FAT2: variants seen among roughly 807,000 people sequenced by gnomAD.
FAT2 encodes the protein FAT atypical cadherin 2.
Under a neutral mutation model 295.3 loss-of-function variants are expected in FAT2, and 150 were observed. The observed-to-expected ratio is 0.51, with a 90% CI of 0.44 to 0.58. The LOEUF (loss-of-function observed/expected upper bound fraction) is 0.58. FAT2 is among the 20% of genes least tolerant of loss of function. The probability of loss-of-function intolerance (pLI) is 0.00; values close to 1 mark genes in which losing one functional copy is unlikely to be tolerated. For synonymous variants in FAT2, 2,026 were observed against 2,150.3 expected, an observed-to-expected ratio of 0.94 and a Z score of 1.60; for missense variants, 4,868 against 5,442.7, an observed-to-expected ratio of 0.89 and a Z score of 3.32.
intron 13 of FAT2, among the ~76,000 whole-genome samples, chr5:151,533,393 A>AAAACACACACACAC (rs373411098): frequency 3.2e-4 from 42 of 132,180 alleles, no homozygotes; most frequent in East Asian, 2.1e-3. Flanking sequence ...TGTTATCTCC[A>AAAACACACACACAC]ACACACACAC....
chr5:151,530,373 A>C lies in FAT2; in HGVS notation c.9812-981T>G, dbSNP rs537536916. Among the ~76,000 whole-genome samples, 4 of 152,318 alleles carry C rather than the reference A, an allele frequency of 2.6e-5. No individual in the cohort carries two copies. The South Asian group carries it at 8.3e-4, about 32-fold the overall frequency. The stretch of plus-strand genomic sequence containing the variant: ...CAACTAAACCTGATCAAGGCCTTTG[A>C]TCCAAATGTCATTCCTAGGAAATAC... On this transcript the variant is annotated intron_variant, in intron 14 of 23. Coordinates refer to ENST00000261800, the MANE Select transcript of FAT2 (RefSeq NM_001447.3).
chr5:151,560,296 G>A (rs1204137086), intron 3 of FAT2, among the ~76,000 whole-genome samples: 12 of 152,126 alleles, frequency 7.9e-5, no homozygotes, highest in Admixed American at 7.2e-4. Flanking sequence ...CAGCCCAGGT[G>A]GTCTCTATTA....
chr5:151,591,864 A>G (rs1029577874), upstream of FAT2, among the ~76,000 whole-genome samples: 3 of 152,162 alleles, frequency 2.0e-5, no homozygotes, highest in Non-Finnish European at 2.9e-5. Context: ...GAATTAAATG[A>G]GATAAAGGTT....
chr5:151,577,757 A>T (rs973908420), intron 1 of FAT2, among the ~76,000 whole-genome samples: 5 of 152,276 alleles, frequency 3.3e-5, no homozygotes, highest in Non-Finnish European at 2.9e-5. Flanking sequence ...GCAGATCCTG[A>T]TACGCAATGA....
chr5:151,537,804 T>C lies in FAT2; in HGVS notation c.9182A>G (p.Asp3061Gly), dbSNP rs1034941634. The C allele has an allele frequency of 1.9e-6, 3 of 1,610,686 alleles. No homozygotes were observed. Among genetic ancestry groups the C allele is most frequent in the Non-Finnish European group, 1.7e-6 (2 of 1,178,020 alleles). ...CTCAGGAAACCCACCTGTATGAGGA[T>C]CCAGCTTGAATTCATGCGCCCCAGG... Reference protein sequence around the residue: ...HGPGAHEFKLDPHTGELTTLT... With the variant: ...HGPGAHEFKLGPHTGELTTLT... The change falls in exon 12 of 24, where the codon GAT (aspartate) becomes GGT (glycine). Residue 3061 changes from aspartate to glycine, a missense_variant. Around this residue, in one of 5 missense-constraint regions of FAT2, gnomAD observed 1,046 missense variants for 1,210.1 expected, o/e 0.86. Coordinates refer to ENST00000261800, the MANE Select transcript of FAT2 (RefSeq NM_001447.3).
chr5:151,526,334 C>T (rs988389222), intron 17 of FAT2, among the ~76,000 whole-genome samples: 2 of 152,122 alleles, frequency 1.3e-5, no homozygotes, highest in African/African-American at 4.8e-5. Flanking sequence ...GGGAATGTTG[C>T]GATTTGCAAA....
At position 151,540,488 on chromosome 5, in the gene FAT2, C is replaced by CCT. The variant is rs970979863; in HGVS notation, c.9039+77_9039+78dup. The stretch of plus-strand genomic sequence containing the variant: ...GCCCCTCAATCTCCCTTCTCCTGCT[C>CCT]CTCACTCTCTGTTCTCCCACCCCTC... On this transcript the variant is annotated intron_variant, in intron 11 of 23. Transcript: ENST00000261800. The CCT allele has an allele frequency of 2.2e-6, 3 of 1,358,530 alleles. No homozygotes were observed. The African/African-American group carries it at 4.3e-5, about 19-fold the overall frequency. The allele number at this position is 1,358,530 out of a possible 1,614,324, so 84.2% of individuals were successfully genotyped here.
intron 4 of FAT2, 53 bp from the exon 5 acceptor site, chr5:151,554,726 C>T (rs1191167106): frequency 2.1e-6 from 3 of 1,400,758 alleles, no homozygotes; most frequent in Non-Finnish European, 2.0e-6. Context: ...AAATTAGTGA[C>T]TATGCTTTAA....
rs1306587619 is a variant in FAT2 at position 151,566,156 on chromosome 5, T to C, written c.2776A>G (p.Ile926Val). ...EDVNDNSPQC[I>V]TEHNRLKVPE... The stretch of plus-strand genomic sequence containing the variant: ...ACCTTCAGCCTGTTGTGTTCTGTGA[T>C]GCACTGGGGAGAGTTGTCGTTGACA... The change falls in exon 2 of 24, where the codon ATC becomes GTC. Residue 926 changes from isoleucine to valine, a missense_variant. Transcript: ENST00000261800. 8 of 1,614,060 alleles carry C rather than the reference T, an allele frequency of 5.0e-6. No homozygotes were observed. Among genetic ancestry groups the C allele is most frequent in the Non-Finnish European group, 2.5e-6 (3 of 1,180,036 alleles).
chr5:151,559,499 T>A (rs1037946301), intron 3 of FAT2, among the ~76,000 whole-genome samples: 1 of 152,012 alleles, frequency 6.6e-6, no homozygotes, highest in Non-Finnish European at 1.5e-5. Context: ...AAGCCTTCTA[T>A]CTGGCTCCAT....
Position 151,565,708 on chromosome 5 carries a change from G to C in FAT2, c.3224C>G (p.Thr1075Ser), listed in dbSNP as rs1377508350. 2 of 1,365,984 alleles carry C rather than the reference G, an allele frequency of 1.5e-6. No individual in the cohort carries two copies. Among genetic ancestry groups the C allele is most frequent in the Admixed American group, 3.8e-5 (2 of 52,034 alleles). 84.6% of individuals were successfully genotyped at this position (1,365,984 alleles called of 1,614,324 possible). A position where few individuals can be genotyped will look rare whatever the true frequency, so the allele number is the denominator to read the frequency against. Reference sequence around the variant, plus strand: ...GTTGATGCTGAAGGCTGCGAGTCCAGTGCCAGCACGCAGGAAGTACTGGAG... The same window carrying C: ...GTTGATGCTGAAGGCTGCGAGTCCACTGCCAGCACGCAGGAAGTACTGGAG... ...GELQYFLRAG[T>S]GLAAFSINQD... is the part of the protein sequence containing the mutation. Residue 1075 changes from threonine to serine, a missense_variant, in exon 2 of 24, where the codon ACT (threonine) becomes AGT (serine). Around this residue, in one of 5 missense-constraint regions of FAT2, gnomAD observed 3,297 missense variants for 3,669.4 expected, o/e 0.90. Coordinates refer to ENST00000261800, the MANE Select transcript of FAT2 (RefSeq NM_001447.3).
At chr5:151,592,260 T>C (rs151006043), upstream of FAT2, among the ~76,000 whole-genome samples, 42 of 152,322 alleles carry the variant, frequency 2.8e-4, no homozygotes, top group Non-Finnish European at 5.1e-4. Flanking sequence ...CTGCCACGTT[T>C]TTAGTTATAG....
chr5:151,571,839 A>G (rs1758540180), intron 1 of FAT2, among the ~76,000 whole-genome samples: 1 of 152,164 alleles, frequency 6.6e-6, no homozygotes, highest in South Asian at 2.1e-4. Flanking sequence ...CCTGCTTAAC[A>G]CTTTCCAGTG....
chr5:151,515,924 CT>C (rs544164384), intron 20 of FAT2, among the ~76,000 whole-genome samples: 107 of 152,320 alleles, frequency 7.0e-4, no homozygotes, highest in Middle Eastern at 3.4e-3. Flanking sequence ...AGCCAAAGTC[CT>C]TACAATGTCC....
At chr5:151,525,581 G>A (rs1561828398) in intron 18 of FAT2, among the ~76,000 whole-genome samples, 187 bp downstream of exon 18, 1 of 152,214 alleles carries the variant, frequency 6.6e-6, no homozygotes, top group African/African-American at 2.4e-5. Context: ...CATCTGTAAA[G>A]CGGGGTGGTA....
At chr5:151,561,918 T>C (rs1180170894) in intron 3 of FAT2, among the ~76,000 whole-genome samples, 1 of 152,204 alleles carries the variant, frequency 6.6e-6, no homozygotes. Context: ...AGGGAACTGT[T>C]GATAGTAAAC....
In FAT2 at chr5:151,565,950, C is replaced by T. The variant is rs1170451168; in HGVS notation, c.2982G>A (p.Gly994=). The T allele has an allele frequency of 1.2e-6, 2 of 1,613,954 alleles. No homozygotes were observed. The highest frequency in any genetic ancestry group is 2.2e-5 in the East Asian group (1 of 44,876). ...CACTGGCCCACAGGCTCAGATTGTA[C>T]CCAGCTCGCCTCTCAAAGTCCAGCT... ...ERELDFERRA[G]YNLSLWASDG... The change falls in exon 2 of 24, where the codon GGG becomes GGA. Residue 994 remains glycine (G), a synonymous_variant. Coordinates refer to ENST00000261800, the MANE Select transcript of FAT2 (RefSeq NM_001447.3).
intron 1 of FAT2, among the ~76,000 whole-genome samples, chr5:151,577,760 C>T (rs1001634530): frequency 8.5e-5 from 13 of 152,094 alleles, no homozygotes; most frequent in African/African-American, 2.4e-4. Context: ...GATCCTGATA[C>T]GCAATGAGGC....
rs1260934415 is a variant in FAT2, at chr5:151,567,949, C to T, written c.983G>A (p.Gly328Glu). 1.2e-6 allele frequency: 2 copies of T among 1,614,064 alleles called. No individual in the cohort carries two copies. Among genetic ancestry groups the T allele is most frequent in the East Asian group, 2.2e-5 (1 of 44,908 alleles). The change falls in exon 2 of 24, where the codon GGG (glycine) becomes GAG (glutamate). Residue 328 changes from glycine to glutamate, a missense_variant. By Grantham distance (98) the Gly-to-Glu change is moderately conservative. This residue lies in a region of FAT2 where 3,297 missense variants were observed against 3,669.4 expected (regional missense o/e 0.90). Transcript: ENST00000261800. Reference protein sequence around the residue: ...KDINWMEYLHGFNLSLQARSG... With the variant: ...KDINWMEYLHEFNLSLQARSG... ...CCTGGCCTGGAGGCTGAGGTTGAAC[C>T]CATGAAGGTACTCCATCCAGTTGAT...
Sources: gnomAD v4.1 joint callset for allele counts (sites outside exome capture counted in the v4.1 genomes callset) on GRCh38, gnomAD v4.1.1 for gene constraint, gnomAD v4.1.1 regional missense constraint, MANE v1.5 for transcripts, NCBI Gene and HGNC (gene_info 2026-07-23, HGNC 2026-07-21) for gene names.